Variants in KLHL22 observed in about 807,000 individuals in gnomAD.
KLHL22 encodes the protein kelch-like protein 22.
In KLHL22, 18 loss-of-function variants were observed where a neutral mutation model predicts 60.7. The ratio of observed to expected loss-of-function variants is 0.30; its 90% CI spans 0.20 to 0.44. The LOEUF (loss-of-function observed/expected upper bound fraction) is 0.44, where lower values mean the gene tolerates loss of function less well. Among genes scored for constraint, KLHL22 ranks in the 20% least tolerant of loss-of-function variants. KLHL22 has a pLI of 1.00. For missense variants in KLHL22, 596 were observed against 852.3 expected, an observed-to-expected ratio of 0.70 and a Z score of 3.74; for synonymous variants, 355 against 354.5, an observed-to-expected ratio of 1.00 and a Z score of -0.01.
chr22:20,486,397 A>G (rs1246326470), intron 2 of KLHL22, among the ~76,000 whole-genome samples: 1 of 152,058 alleles, frequency 6.6e-6, no homozygotes, highest in Admixed American at 6.6e-5. Flanking sequence ...GCTCCATTGG[A>G]TAACACAGAA....
chr22:20,483,950 G>A lies in KLHL22; in HGVS notation c.227+5035C>T, dbSNP rs976853580. 6.3e-5 allele frequency: 43 copies of A among 677,184 alleles called. No homozygotes were observed. In the African/African-American group the frequency reaches 7.1e-4, roughly 11 times the overall value. 41.9% of individuals were successfully genotyped at this position (677,184 alleles called of 1,614,324 possible). A position where few individuals can be genotyped will look rare whatever the true frequency, so the allele number is the denominator to read the frequency against. ...CAGACCCCATGCAGCCCTGGAAGCT[G>A]GTGGAGCGGGACACGAAGATCCAGG... On this transcript the variant is annotated intron_variant, in intron 2 of 6. Coordinates refer to ENST00000328879, the MANE Select transcript of KLHL22 (RefSeq NM_032775.4).
At chr22:20,449,608 C>T (rs757757197) in intron 5 of KLHL22, among the ~76,000 whole-genome samples, 4 of 151,760 alleles carry the variant, frequency 2.6e-5, no homozygotes, top group Admixed American at 6.6e-5. Flanking sequence ...ACCATGTTGG[C>T]CAGGCTGGTC....
chr22:20,489,634 T>C, intron 1 of KLHL22: 1 of 464,852 alleles, frequency 2.2e-6, no homozygotes, highest in South Asian at 1.6e-5. Flanking sequence ...CCCATTGGGG[T>C]ATTCTAAAAT....
rs369260594 is a variant in KLHL22, at chr22:20,471,000, G to A, written c.393+350C>T. Among the ~76,000 whole-genome samples, 38 of 152,314 alleles carry A rather than the reference G, an allele frequency of 2.5e-4. No individual in the cohort carries two copies. In the East Asian group the frequency reaches 6.8e-3, roughly 27 times the overall value. ...GGCCCTGGCAGCAATGCTGGTGGATGCTCCCCATTGCCAGACCCCAGAGCA... is the reference window on the plus strand; with the variant it reads ...GGCCCTGGCAGCAATGCTGGTGGATACTCCCCATTGCCAGACCCCAGAGCA... On this transcript the variant is annotated intron_variant, in intron 3 of 6. Transcript: ENST00000328879.
At chr22:20,453,907 G>C (rs1489386403) in intron 5 of KLHL22, among the ~76,000 whole-genome samples, 1 of 151,732 alleles carries the variant, frequency 6.6e-6, no homozygotes, top group Admixed American at 6.6e-5. Flanking sequence ...GCTAATATTT[G>C]TATTTTTAGT....
chr22:20,476,405 ATTTTTTTTTTTT>A (rs57189584), intron 2 of KLHL22, among the ~76,000 whole-genome samples: 2 of 69,354 alleles, frequency 2.9e-5, no homozygotes, highest in African/African-American at 1.3e-4. Context: ...ATTGACACAG[ATTTTTTTTTTTT>A]TTTTTTTTTT....
At chr22:20,448,488 C>T (rs949141207) in intron 5 of KLHL22, among the ~76,000 whole-genome samples, 4 of 152,236 alleles carry the variant, frequency 2.6e-5, no homozygotes, top group Non-Finnish European at 1.5e-5. Context: ...TAACCATTCA[C>T]TGTTGAAAAC....
chr22:20,492,735 G>A (rs1273397811), intron 1 of KLHL22, among the ~76,000 whole-genome samples: 3 of 151,934 alleles, frequency 2.0e-5, no homozygotes, highest in Non-Finnish European at 2.9e-5. Context: ...GATTACAGGC[G>A]TGCACCACCA....
intron 2 of KLHL22, among the ~76,000 whole-genome samples, chr22:20,484,723 T>C (rs1385580667): frequency 6.7e-6 from 1 of 148,290 alleles, no homozygotes; most frequent in African/African-American, 2.5e-5. Context: ...TGAGCCACTG[T>C]GCTCAGCCTT....
chr22:20,459,815 T>G (rs560514953), intron 4 of KLHL22, among the ~76,000 whole-genome samples: 201 of 152,290 alleles, frequency 1.3e-3, no homozygotes, highest in African/African-American at 4.7e-3. Flanking sequence ...GTCAGGGCCC[T>G]GCCTTCCCCT....
At chr22:20,481,588 TA>T (rs1008973588) in intron 2 of KLHL22, among the ~76,000 whole-genome samples, 4 of 151,936 alleles carry the variant, frequency 2.6e-5, no homozygotes, top group Non-Finnish European at 4.4e-5. Context: ...AAAAAAAAAT[TA>T]AAAAAAAATT....
chr22:20,459,389 G>C (rs1166096706), intron 4 of KLHL22, among the ~76,000 whole-genome samples: 2 of 152,160 alleles, frequency 1.3e-5, no homozygotes, highest in Non-Finnish European at 2.9e-5. Flanking sequence ...GGGCCAACAA[G>C]AGAGGGAACA....
In KLHL22 at chr22:20,465,403, G is replaced by A; in HGVS notation, c.567C>T (p.Arg189=). The part of the protein sequence containing the change: ...FVAFSRTDKY[R]QLPLEKVYSL... ...AGTAGACCTTCTCCAATGGAAGCTGGCGGTACTTGTCAGTCCGAGAGAAGG... is the reference window on the plus strand; with the variant it reads ...AGTAGACCTTCTCCAATGGAAGCTGACGGTACTTGTCAGTCCGAGAGAAGG... The change falls in exon 4 of 7, where the codon CGC becomes CGT. Residue 189 remains arginine, a synonymous_variant. Coordinates refer to ENST00000328879, the MANE Select transcript of KLHL22 (RefSeq NM_032775.4). The surrounding 1 kb of genome is among the most constrained non-coding windows in gnomAD (Gnocchi z 4.9). The A allele has an allele frequency of 6.2e-7, 1 of 1,614,196 alleles. No homozygotes were observed. The highest frequency in any genetic ancestry group is 1.6e-4 in the Middle Eastern group (1 of 6,062).
intron 1 of KLHL22, chr22:20,491,291 G>C (rs1238895355): frequency 1.3e-5 from 2 of 152,094 alleles, no homozygotes; most frequent in African/African-American, 4.8e-5. Context: ...TCATTATGTA[G>C]GCATGACTGA....
At chr22:20,483,250 G>C in intron 2 of KLHL22, 1 of 695,518 alleles carries the variant, frequency 1.4e-6, no homozygotes, top group South Asian at 1.4e-5. Flanking sequence ...AACCTCAGTG[G>C]ACTGCATGGT....
chr22:20,467,051 T>C (rs2053247213), intron 3 of KLHL22, among the ~76,000 whole-genome samples: 1 of 152,180 alleles, frequency 6.6e-6, no homozygotes, highest in African/African-American at 2.4e-5. Context: ...AAACCAGGTG[T>C]TGATAAATTA....
intron 1 of KLHL22, among the ~76,000 whole-genome samples, chr22:20,490,643 C>T (rs1042870522): frequency 2.0e-5 from 3 of 152,144 alleles, no homozygotes; most frequent in African/African-American, 4.8e-5. Context: ...TCCACGGGGT[C>T]GGGGAATGGT....
At chr22:20,489,896 A>T in intron 1 of KLHL22, 1 of 424,168 alleles carries the variant, frequency 2.4e-6, no homozygotes, top group Non-Finnish European at 4.9e-6. Flanking sequence ...ATTGAACCTG[A>T]TGCATTTAAA....
intron 2 of KLHL22, among the ~76,000 whole-genome samples, chr22:20,488,049 C>T (rs2053615217): frequency 6.6e-6 from 1 of 152,208 alleles, no homozygotes; most frequent in Non-Finnish European, 1.5e-5. Flanking sequence ...CAAGCCACCA[C>T]TGGGTCACAT....
Sources: allele counts gnomAD v4.1 joint callset (sites outside exome capture counted in the v4.1 genomes callset), GRCh38; gene constraint gnomAD v4.1.1; non-coding constraint Gnocchi (gnomAD v3.1); transcripts MANE v1.5; gene names NCBI Gene and HGNC (gene_info 2026-07-23, HGNC 2026-07-21).